EXOC4: variants seen among roughly 807,000 people sequenced by gnomAD.
EXOC4 encodes SEC8-like 1.
A neutral mutation model predicts 107.2 loss-of-function variants in EXOC4; 71 were observed. The observed-to-expected ratio is 0.66, with a 90% CI of 0.55 to 0.81. EXOC4 has a LOEUF of 0.81. Among genes scored for constraint, EXOC4 ranks in the 30% least tolerant of loss-of-function variants. The pLI is 0.00. For synonymous variants in EXOC4, 456 were observed against 441.2 expected (o/e 1.03, Z -0.42); for missense variants, 1,108 against 1,189.6 (o/e 0.93, Z 1.01).
At chr7:133,479,238 T>C (rs892491524) in intron 8 of EXOC4, 1 of 152,222 alleles carries the variant, frequency 6.6e-6, no homozygotes, top group Admixed American at 6.5e-5. Context: ...GTCATAATTT[T>C]ATCTGTTTTT....
At chr7:133,375,296 T>A (rs1796464911) in intron 7 of EXOC4, among the ~76,000 whole-genome samples, 1 of 152,132 alleles carries the variant, frequency 6.6e-6, no homozygotes, top group Non-Finnish European at 1.5e-5. Context: ...GCCAACATGG[T>A]GAAACCTTGT....
At chr7:133,607,816 A>G (rs771698973) in intron 9 of EXOC4, among the ~76,000 whole-genome samples, 3 of 152,228 alleles carry the variant, frequency 2.0e-5, no homozygotes, top group Non-Finnish European at 4.4e-5. Context: ...GTGATATAAA[A>G]TGGACCATTG....
chr7:133,510,795 C>A lies in EXOC4; in HGVS notation c.1417+30657C>A, dbSNP rs564970236. Among the ~76,000 whole-genome samples the A allele has an allele frequency of 6.6e-5, 10 of 152,256 alleles. No individual in the cohort carries two copies. The East Asian group carries it at 1.9e-3, about 29-fold the overall frequency. ...TGATAGTTTATTCATTCACTAAGGA[C>A]AGAGTGGTACATATCACACCAGAAG... is the stretch of plus-strand genomic sequence containing the variant. On this transcript the variant is annotated intron_variant, in intron 9 of 17. Coordinates refer to ENST00000253861, the MANE Select transcript of EXOC4 (RefSeq NM_021807.4).
intron 12 of EXOC4, among the ~76,000 whole-genome samples, chr7:133,900,206 C>T (rs1309575726): frequency 1.3e-5 from 2 of 152,052 alleles, no homozygotes; most frequent in East Asian, 3.9e-4. Flanking sequence ...CTTTCATGTG[C>T]TCATATTCTT....
intron 10 of EXOC4, among the ~76,000 whole-genome samples, chr7:133,696,415 G>A (rs879305193): frequency 5.3e-5 from 8 of 152,124 alleles, no homozygotes; most frequent in Non-Finnish European, 1.2e-4. Flanking sequence ...CTCCTCCTCT[G>A]TCCTACAGTT....
chr7:133,473,867 A>T (rs1018655806), intron 7 of EXOC4, among the ~76,000 whole-genome samples: 2 of 151,724 alleles, frequency 1.3e-5, no homozygotes, highest in African/African-American at 4.9e-5. Context: ...TGCCCGGCTA[A>T]TTTTTTGTAT....
intron 13 of EXOC4, among the ~76,000 whole-genome samples, chr7:133,919,746 A>G (rs1799896563): frequency 6.6e-6 from 1 of 152,010 alleles, no homozygotes. Context: ...TCTCTGAATT[A>G]TGTTCCATTT....
intron 11 of EXOC4, among the ~76,000 whole-genome samples, chr7:133,856,655 T>C (rs1043004810): frequency 6.6e-6 from 1 of 152,186 alleles, no homozygotes; most frequent in Admixed American, 6.5e-5. Context: ...TAATAATAAC[T>C]ATGAATTGGA....
At chr7:133,388,453 C>T (rs1796777691) in intron 7 of EXOC4, among the ~76,000 whole-genome samples, 1 of 152,054 alleles carries the variant, frequency 6.6e-6, no homozygotes, top group Non-Finnish European at 1.5e-5. Flanking sequence ...AGTTCGAGAC[C>T]ATCCTGGCCA....
chr7:134,054,311 C>A (rs1795871777), intron 17 of EXOC4, among the ~76,000 whole-genome samples: 1 of 152,158 alleles, frequency 6.6e-6, no homozygotes, highest in Admixed American at 6.5e-5. Context: ...TCCTCCTCGC[C>A]ACCCAGTGAC....
intron 14 of EXOC4, among the ~76,000 whole-genome samples, chr7:133,978,259 A>T (rs1793890264): frequency 6.6e-6 from 1 of 152,228 alleles, no homozygotes; most frequent in African/African-American, 2.4e-5. Flanking sequence ...GGGCTGCTGC[A>T]CTATTCTAGA....
At chr7:133,916,654 T>C (rs1012378366) in intron 12 of EXOC4, among the ~76,000 whole-genome samples, 1 of 152,172 alleles carries the variant, frequency 6.6e-6, no homozygotes, top group Non-Finnish European at 1.5e-5. Flanking sequence ...ATATTGTTTA[T>C]TTGCAAGTGC....
At chr7:134,066,620 CAGTG>C (rs1351254564), downstream of EXOC4, 2 of 152,132 alleles carry the variant, frequency 1.3e-5, no homozygotes, top group African/African-American at 4.8e-5. Flanking sequence ...GTGACACACT[CAGTG>C]GGTGGTCAAT....
chr7:133,718,426 C>A (rs1429606752), intron 10 of EXOC4, among the ~76,000 whole-genome samples: 1 of 152,148 alleles, frequency 6.6e-6, no homozygotes, highest in African/African-American at 2.4e-5. Context: ...TGGCAGTTTT[C>A]TCTTTTTAGA....
chr7:134,024,419 C>G (rs1795091382), intron 17 of EXOC4, among the ~76,000 whole-genome samples: 1 of 150,468 alleles, frequency 6.6e-6, no homozygotes, highest in African/African-American at 2.5e-5. Flanking sequence ...CCACTGCACT[C>G]TAGCCTGGGT....
In EXOC4 at chr7:133,997,602, C is replaced by T. The variant is rs752361434; in HGVS notation, c.2317C>T (p.Arg773Cys). 2.0e-5 allele frequency: 32 copies of T among 1,613,364 alleles called. No individual in the cohort carries two copies. Among genetic ancestry groups the T allele is most frequent in the Admixed American group, 8.3e-5 (5 of 59,882 alleles). The change falls in exon 15 of 18, where the codon CGC (arginine) becomes TGC (cysteine). Residue 773 changes from arginine to cysteine, a missense_variant. Transcript: ENST00000253861. ...CAAATCGTTCCAGGATATGGCTGAC[C>T]GCTGCTTGCTTGTCTTACATCTGGA... ...LAKSFQDMAD[R>C]CLLVLHLEVR...
At chr7:133,698,376 G>GA (rs1794583841) in intron 10 of EXOC4, among the ~76,000 whole-genome samples, 1 of 152,018 alleles carries the variant, frequency 6.6e-6, no homozygotes, top group Non-Finnish European at 1.5e-5. Context: ...GAGGCAGGAT[G>GA]ATCGCTTGAG....
chr7:133,629,005 T>C (rs1030123643), intron 9 of EXOC4, among the ~76,000 whole-genome samples: 3 of 152,204 alleles, frequency 2.0e-5, no homozygotes, highest in African/African-American at 7.2e-5. Context: ...GAAAACTCTT[T>C]AGTCAGAGTG....
chr7:134,099,114 T>C, the EXOC4 span, among the ~76,000 whole-genome samples: 2 of 152,116 alleles, frequency 1.3e-5, no homozygotes, highest in Admixed American at 6.6e-5. Flanking sequence ...GTGACCTTAT[T>C]TGGAATTAGG....
Sources: allele counts gnomAD v4.1 joint callset (sites outside exome capture counted in the v4.1 genomes callset), GRCh38; gene constraint gnomAD v4.1.1; transcripts MANE v1.5; gene names NCBI Gene and HGNC (gene_info 2026-07-23, HGNC 2026-07-21).